Variants in CEP112 observed in about 807,000 individuals in gnomAD.
CEP112 encodes centrosomal protein 112.
A neutral mutation model predicts 153.0 loss-of-function variants in CEP112; 127 were observed. The observed-to-expected ratio is 0.83, with a 90% CI of 0.72 to 0.96. The LOEUF (loss-of-function observed/expected upper bound fraction) is 0.96. Among genes scored for constraint, CEP112 ranks in the 40% least tolerant of loss-of-function variants. The probability of loss-of-function intolerance (pLI) is 0.00; values close to 1 mark genes in which losing one functional copy is unlikely to be tolerated. For synonymous variants in CEP112, 358 were observed against 374.4 expected (o/e 0.96, Z 0.51); for missense variants, 1,089 against 1,101.2 (o/e 0.99, Z 0.16).
chr17:66,015,530 A>G (rs866506522), intron 16 of CEP112, among the ~76,000 whole-genome samples: 3 of 152,184 alleles, frequency 2.0e-5, no homozygotes, highest in African/African-American at 7.2e-5. Context: ...TTGCCTTTAC[A>G]CATGAAGGAA....
chr17:66,058,278 C>G (rs1290038798), intron 11 of CEP112, among the ~76,000 whole-genome samples: 1 of 151,904 alleles, frequency 6.6e-6, no homozygotes, highest in Non-Finnish European at 1.5e-5. Flanking sequence ...GGAATTCAGA[C>G]AAAGGAAAGC....
At position 65,689,111 on chromosome 17, in the gene CEP112, T is replaced by C. The variant is rs202179316; in HGVS notation, c.2697+18A>G. On this transcript the variant is annotated intron_variant, in intron 24 of 26. Coordinates refer to ENST00000535342, the MANE Select transcript of CEP112 (RefSeq NM_001199165.4). ...AGAGAAAGTAAACAAGAGAGTCAAA[T>C]AGTAAAGGAGAGGGTACCTGTTCCT... The C allele has an allele frequency of 6.4e-5, 99 of 1,553,310 alleles. No individual in the cohort carries two copies. In the African/African-American group the frequency reaches 1.1e-3, roughly 17 times the overall value.
chr17:65,898,303 AG>A, intron 20 of CEP112, among the ~76,000 whole-genome samples: 1 of 152,260 alleles, frequency 6.6e-6, no homozygotes, highest in East Asian at 1.9e-4. Flanking sequence ...CCAATGTTCA[AG>A]CCCCTGGATG....
intron 18 of CEP112, among the ~76,000 whole-genome samples, chr17:65,960,249 T>C (rs1461106830): frequency 3.3e-5 from 5 of 152,184 alleles, no homozygotes; most frequent in African/African-American, 1.2e-4. Context: ...GTTAAAAAGA[T>C]TGTACTAAAA....
intron 17 of CEP112, among the ~76,000 whole-genome samples, chr17:65,996,369 C>A (rs1325578441): frequency 8.3e-6 from 1 of 120,518 alleles, no homozygotes; most frequent in African/African-American, 2.7e-5. Context: ...AATATTTATA[C>A]TTCAGATTTC....
At chr17:65,882,359 C>T (rs2059113971) in intron 20 of CEP112, among the ~76,000 whole-genome samples, 1 of 152,198 alleles carries the variant, frequency 6.6e-6, no homozygotes, top group Admixed American at 6.5e-5. Flanking sequence ...TAGCAATGTG[C>T]CTAAAACTAA....
intron 24 of CEP112, among the ~76,000 whole-genome samples, chr17:65,660,332 TTCTTTCTTTTTCTC>T (rs2046299671): frequency 2.1e-5 from 2 of 94,308 alleles, no homozygotes; most frequent in Non-Finnish European, 4.0e-5. Context: ...TTCTTTCTCT[TTCTTTCTTTTTCTC>T]TCTCGTTCCT....
chr17:65,746,165 CAAAAAAAAAAA>C (rs56361589), intron 22 of CEP112, among the ~76,000 whole-genome samples: 3 of 49,480 alleles, frequency 6.1e-5, no homozygotes, highest in South Asian at 1.9e-3. Context: ...AACTCCATCT[CAAAAAAAAAAA>C]AAAAAAAAAA....
intron 16 of CEP112, among the ~76,000 whole-genome samples, chr17:66,012,870 G>A (rs8064410): frequency 0.51 from 76,674 of 151,798 alleles, 20,200 homozygotes; most frequent in African/African-American, 0.55. Context: ...ATAAGTCATA[G>A]ATTTGGTCTC....
At chr17:65,849,558 C>T (rs1304525362) in intron 21 of CEP112, among the ~76,000 whole-genome samples, 4 of 152,154 alleles carry the variant, frequency 2.6e-5, no homozygotes, top group South Asian at 2.1e-4. Context: ...TCACGAAGTT[C>T]ATCTCCTATT....
chr17:65,742,827 G>A (rs1400158742), intron 23 of CEP112, among the ~76,000 whole-genome samples: 1 of 152,148 alleles, frequency 6.6e-6, no homozygotes, highest in Admixed American at 6.5e-5. Context: ...TAAAATATTT[G>A]TTCAATGTGA....
Position 65,946,722 on chromosome 17 carries a change from A to T in CEP112, c.1872+14741T>A, listed in dbSNP as rs537314500. ...GCACTGTTAAGATTTTGATTTTTTA[A>T]AATTTTTTTTATTTTTAAGATTTTG... On this transcript the variant is annotated intron_variant, in intron 18 of 26. Transcript: ENST00000535342. Among the ~76,000 whole-genome samples, 11 of 152,146 alleles carry T rather than the reference A, an allele frequency of 7.2e-5. No homozygotes were observed. In the East Asian group the frequency reaches 7.7e-4, roughly 11 times the overall value.
chr17:65,688,578 G>A (rs2047933250), intron 24 of CEP112: 1 of 153,466 alleles, frequency 6.5e-6, no homozygotes, highest in Non-Finnish European at 1.4e-5. Flanking sequence ...CAGAATGCCT[G>A]GCACTGCTGC....
intron 24 of CEP112, among the ~76,000 whole-genome samples, chr17:65,660,379 C>G (rs1454324553): frequency 4.7e-5 from 6 of 128,704 alleles, no homozygotes; most frequent in Non-Finnish European, 9.6e-5. Context: ...CCCTTCCTTC[C>G]TTCCTTCCTC....
Position 65,850,119 on chromosome 17 carries a change from A to C in CEP112, c.2394+1685T>G, listed in dbSNP as rs557282920. Among the ~76,000 whole-genome samples the C allele has an allele frequency of 6.8e-4, 94 of 139,196 alleles. No homozygotes were observed. In the East Asian group the frequency reaches 0.018, roughly 26 times the overall value. 91.3% of individuals were successfully genotyped at this position (139,196 alleles called of 152,430 possible). ...CAGTGAGCCGAGATCATGCCACTGC[A>C]CTCCAGCCTGGGCGACAGAGTGAGA... is the stretch of plus-strand genomic sequence containing the variant. On this transcript the variant is annotated intron_variant, in intron 21 of 26. Transcript: ENST00000535342.
At chr17:65,778,647 T>C (rs1027581769) in intron 21 of CEP112, among the ~76,000 whole-genome samples, 2 of 152,190 alleles carry the variant, frequency 1.3e-5, no homozygotes, top group Admixed American at 6.5e-5. Context: ...TTTATAGCTT[T>C]TAGATAAAAA....
chr17:65,892,942 A>G (rs1330007450), intron 20 of CEP112, among the ~76,000 whole-genome samples: 1 of 152,124 alleles, frequency 6.6e-6, no homozygotes, highest in African/African-American at 2.4e-5. Flanking sequence ...GTCCCACTTG[A>G]CCCTAGGGAT....
At chr17:65,686,113 CT>C (rs35816434) in intron 24 of CEP112, among the ~76,000 whole-genome samples, 5,180 of 104,136 alleles carry the variant, frequency 0.05, 88 homozygotes, top group East Asian at 0.11. Flanking sequence ...AAACAACTGG[CT>C]TTTTTTTTTT....
intron 18 of CEP112, among the ~76,000 whole-genome samples, chr17:65,953,105 GT>G (rs2061890581): frequency 1.3e-5 from 2 of 152,110 alleles, no homozygotes; most frequent in Middle Eastern, 3.4e-3. Context: ...AAGAGCAAAA[GT>G]TTTTAGTTTT....
Sources: gnomAD v4.1 joint callset for allele counts (sites outside exome capture counted in the v4.1 genomes callset) on GRCh38, gnomAD v4.1.1 for gene constraint, MANE v1.5 for transcripts, NCBI Gene and HGNC (gene_info 2026-07-23, HGNC 2026-07-21) for gene names.